Variants in IQCJ observed in about 807,000 individuals in gnomAD.
The protein encoded by IQCJ is IQ motif containing J.
IQCJ carries 9 observed loss-of-function variants against 11.0 expected under a neutral mutation model. That is an observed-to-expected ratio of 0.82 (90% CI 0.49 to 1.43). The LOEUF is 1.43. Among genes scored for constraint, IQCJ ranks in the 40% most tolerant of loss-of-function variants. The pLI is 0.00. For synonymous variants in IQCJ, 55 were observed against 51.3 expected, an observed-to-expected ratio of 1.07 and a Z score of -0.31; for missense variants, 146 against 133.2, an observed-to-expected ratio of 1.10 and a Z score of -0.47.
In IQCJ at chr3:159,077,924, A is replaced by G. The variant is rs148869165; in HGVS notation, c.9+8483A>G. ...AAATGTAATCCTAAGCCTTGATGTA[A>G]TATTTTTGAGTAATTGAGCCAACTA... is the stretch of plus-strand genomic sequence containing the variant. On this transcript the variant is annotated intron_variant, in intron 1 of 3. Coordinates refer to ENST00000397832, the MANE Select transcript of IQCJ (RefSeq NM_001042706.3). Among the ~76,000 whole-genome samples, 980 of 152,184 alleles carry G rather than the reference A, an allele frequency of 6.4e-3. 10 individuals carry two copies. The highest frequency in any genetic ancestry group is 0.022 in the African/African-American group (924 of 41,532).
At chr3:159,141,319 A>G (rs964602674) in intron 1 of IQCJ, among the ~76,000 whole-genome samples, 1 of 152,204 alleles carries the variant, frequency 6.6e-6, no homozygotes, top group Non-Finnish European at 1.5e-5. Context: ...GAGGAGGTGG[A>G]GGTGAATGAT....
intron 1 of IQCJ, among the ~76,000 whole-genome samples, chr3:159,113,064 T>C (rs1718735586): frequency 6.6e-6 from 1 of 152,228 alleles, no homozygotes; most frequent in Non-Finnish European, 1.5e-5. Context: ...AATCTTATAA[T>C]AACTTTTTGG....
Position 159,255,834 on chromosome 3 carries a change from G to A in IQCJ, c.155+3027G>A, listed in dbSNP as rs573425681. Among the ~76,000 whole-genome samples the A allele has an allele frequency of 2.4e-4, 37 of 152,304 alleles. 1 individual carries two copies. The highest frequency in any genetic ancestry group is 8.9e-4 in the African/African-American group (37 of 41,572). On this transcript the variant is annotated intron_variant, in intron 3 of 3. Coordinates refer to ENST00000397832, the MANE Select transcript of IQCJ (RefSeq NM_001042706.3). ...CAAGTTCTCTGAAGATTAAACAAAG[G>A]CAAGCCTCTCAAATCAGAAAATTTG...
At chr3:159,209,047 T>C (rs1724807566) in intron 1 of IQCJ, among the ~76,000 whole-genome samples, 1 of 152,156 alleles carries the variant, frequency 6.6e-6, no homozygotes, top group Non-Finnish European at 1.5e-5. Context: ...CCCACGGCCC[T>C]AAATGAGAAA....
At chr3:159,162,116 T>C (rs1721898581) in intron 1 of IQCJ, among the ~76,000 whole-genome samples, 1 of 152,218 alleles carries the variant, frequency 6.6e-6, no homozygotes, top group African/African-American at 2.4e-5. Context: ...GTAAATTACC[T>C]TGGGCAGTAT....
At chr3:159,215,881 C>A (rs2108104032) in intron 1 of IQCJ, among the ~76,000 whole-genome samples, 1 of 152,132 alleles carries the variant, frequency 6.6e-6, no homozygotes, top group South Asian at 2.1e-4. Flanking sequence ...GTTTCCCCTA[C>A]AAGATCAAGT....
intron 1 of IQCJ, among the ~76,000 whole-genome samples, chr3:159,194,029 C>G (rs902025159): frequency 6.6e-6 from 1 of 152,200 alleles, no homozygotes; most frequent in Non-Finnish European, 1.5e-5. Flanking sequence ...CCTCTTCCCT[C>G]TGTGTATGGT....
Position 159,104,634 on chromosome 3 carries a change from G to A in IQCJ, c.9+35193G>A, listed in dbSNP as rs73164342. On this transcript the variant is annotated intron_variant, in intron 1 of 3. Coordinates refer to ENST00000397832, the MANE Select transcript of IQCJ (RefSeq NM_001042706.3). Reference sequence around the variant, plus strand: ...TCCTGCCCACCTTAGTGGCCTCCTCGCCCGCCATTTTTCCACACCGTGCCA... The same window carrying A: ...TCCTGCCCACCTTAGTGGCCTCCTCACCCGCCATTTTTCCACACCGTGCCA... 1.9e-3 allele frequency among the ~76,000 whole-genome samples: 286 copies of A among 152,052 alleles called. 3 individuals carry two copies. Among genetic ancestry groups the A allele is most frequent in the Middle Eastern group, 3.4e-3 (1 of 294 alleles).
intron 1 of IQCJ, among the ~76,000 whole-genome samples, chr3:159,178,308 T>C (rs1722896816): frequency 6.6e-6 from 1 of 152,164 alleles, no homozygotes. Context: ...TTGCACATCT[T>C]GGTGTTGATG....
chr3:159,232,503 C>T (rs1379551114), intron 1 of IQCJ, among the ~76,000 whole-genome samples: 1 of 130,634 alleles, frequency 7.7e-6, no homozygotes, highest in Non-Finnish European at 1.5e-5. Flanking sequence ...GTCACCCAGG[C>T]TGGAGTGCAG....
At chr3:159,148,373 G>A (rs895174217) in intron 1 of IQCJ, among the ~76,000 whole-genome samples, 1 of 152,156 alleles carries the variant, frequency 6.6e-6, no homozygotes, top group African/African-American at 2.4e-5. Context: ...GAAAGATGAT[G>A]TATTAAGTAA....
chr3:159,169,354 G>A (rs1386121544), intron 1 of IQCJ, among the ~76,000 whole-genome samples: 7 of 134,350 alleles, frequency 5.2e-5, no homozygotes, highest in African/African-American at 1.7e-4. Flanking sequence ...GTGTGATCTC[G>A]GCTCACTTGC....
chr3:159,081,693 A>G (rs966019895), intron 1 of IQCJ, among the ~76,000 whole-genome samples: 1 of 151,980 alleles, frequency 6.6e-6, no homozygotes, highest in African/African-American at 2.4e-5. Context: ...ATCTATTCTA[A>G]CTCTTCTTCA....
intron 1 of IQCJ, among the ~76,000 whole-genome samples, chr3:159,231,280 A>G (rs1466360767): frequency 6.6e-6 from 1 of 152,218 alleles, no homozygotes; most frequent in Non-Finnish European, 1.5e-5. Context: ...AAACTTGGAG[A>G]CATTTCAAGA....
Position 159,162,490 on chromosome 3 carries a change from G to C in IQCJ, c.10-83353G>C, listed in dbSNP as rs372343911. On this transcript the variant is annotated intron_variant, in intron 1 of 3. Transcript: ENST00000397832. ...TGTCATCTGCAAAGAGGGACAATTT[G>C]ACTTCCTCTTTTCCTAATTGAATAT... 3.2e-4 allele frequency among the ~76,000 whole-genome samples: 49 copies of C among 152,302 alleles called. No homozygotes were observed. The East Asian group carries it at 6.6e-3, about 20-fold the overall frequency.
At chr3:159,253,798 G>A (rs7644770) in intron 3 of IQCJ, among the ~76,000 whole-genome samples, 20,866 of 152,232 alleles carry the variant, frequency 0.14, 1,599 homozygotes, top group African/African-American at 0.18. Flanking sequence ...TGTGTACAAC[G>A]TTGAACAACA....
At chr3:159,137,605 G>T (rs1006202750) in intron 1 of IQCJ, among the ~76,000 whole-genome samples, 5 of 152,096 alleles carry the variant, frequency 3.3e-5, no homozygotes, top group African/African-American at 9.7e-5. Flanking sequence ...GCAAATAACT[G>T]TATAACTTTA....
chr3:159,256,289 A>C (rs1727891136), intron 3 of IQCJ, among the ~76,000 whole-genome samples: 1 of 152,104 alleles, frequency 6.6e-6, no homozygotes, highest in Non-Finnish European at 1.5e-5. Context: ...CCCTCTCCTG[A>C]TTTTTATTAT....
At chr3:159,181,297 C>G (rs547893669) in intron 1 of IQCJ, among the ~76,000 whole-genome samples, 134 of 151,298 alleles carry the variant, frequency 8.9e-4, no homozygotes, top group Non-Finnish European at 1.4e-3. Flanking sequence ...CTCTTCCTCT[C>G]CATTTCTTAA....
Sources: allele counts gnomAD v4.1 joint callset (sites outside exome capture counted in the v4.1 genomes callset), GRCh38; gene constraint gnomAD v4.1.1; transcripts MANE v1.5; gene names NCBI Gene and HGNC (gene_info 2026-07-23, HGNC 2026-07-21).